The following COL4A1 variants were observed in gnomAD, a reference collection of about 807,000 sequenced individuals.
The protein encoded by COL4A1 is collagen alpha-1(IV) chain.
COL4A1 carries 40 observed loss-of-function variants against 216.6 expected under a neutral mutation model. The observed-to-expected ratio is 0.18, with a 90% CI of 0.14 to 0.24. The LOEUF (loss-of-function observed/expected upper bound fraction) is 0.24. Ranked by LOEUF, COL4A1 falls within the 10% of genes least tolerant of loss-of-function variation. COL4A1 has a pLI of 1.00. For missense variants in COL4A1, 1,628 were observed against 2,196.8 expected (o/e 0.74, Z 5.18); for synonymous variants, 839 against 810.7 (o/e 1.03, Z -0.59).
At position 110,162,245 on chromosome 13, in the gene COL4A1, G is replaced by A. The variant is rs1465815412; in HGVS notation, c.4447C>T (p.His1483Tyr). ...LLYVQGNERA[H>Y]GQDLGTAGSC... is the part of the protein sequence containing the mutation. Reference sequence around the variant, plus strand: ...GGCTTCTTACCCAAGTCCTGGCCATGGGCCCGTTCATTGCCTTGCACGTAG... The same window carrying A: ...GGCTTCTTACCCAAGTCCTGGCCATAGGCCCGTTCATTGCCTTGCACGTAG... Residue 1483 changes from histidine to tyrosine, a missense_variant, in exon 48 of 52, where the codon CAT becomes TAT. His to Tyr is a moderately conservative substitution (Grantham distance 83). Coordinates refer to ENST00000375820, the MANE Select transcript of COL4A1 (RefSeq NM_001845.6). 3 of 1,614,170 alleles carry A rather than the reference G, an allele frequency of 1.9e-6. No homozygotes were observed.
intron 1 of COL4A1, among the ~76,000 whole-genome samples, chr13:110,258,602 T>C (rs2139274189): frequency 1.3e-5 from 2 of 152,278 alleles, no homozygotes; most frequent in South Asian, 4.2e-4. Flanking sequence ...TGTATTTCCA[T>C]CTATTTACAC....
chr13:110,299,941 G>C (rs1019584818), intron 1 of COL4A1, among the ~76,000 whole-genome samples: 24 of 152,108 alleles, frequency 1.6e-4, no homozygotes, highest in Admixed American at 1.4e-3. Context: ...TTCAAAGCTG[G>C]TGCTCTTGGA....
chr13:110,246,257 G>A (rs986499172), intron 1 of COL4A1, among the ~76,000 whole-genome samples: 2 of 151,684 alleles, frequency 1.3e-5, no homozygotes, highest in African/African-American at 4.8e-5. Context: ...TCACTATTCT[G>A]GTCCTTTCTG....
chr13:110,211,726 A>T lies in COL4A1; in HGVS notation c.442-53T>A. 1.9e-6 allele frequency: 3 copies of T among 1,556,936 alleles called. 1 individual carries two copies. The highest frequency in any genetic ancestry group is 2.3e-5 in the South Asian group (2 of 85,940). On this transcript the variant is annotated intron_variant, in intron 7 of 51. Transcript: ENST00000375820. This position sits in a 1 kb window ranked among gnomAD's most constrained non-coding sequence, Gnocchi z 4.3. ...TTGTTTTTCTCAAAATATCATTAGC[A>T]TTAAAATTGTTATCATGTAATATTA...
At chr13:110,234,642 G>A (rs979128362) in intron 2 of COL4A1, among the ~76,000 whole-genome samples, 6 of 152,090 alleles carry the variant, frequency 3.9e-5, no homozygotes, top group Admixed American at 1.3e-4. Flanking sequence ...TGTATATGAC[G>A]CAGCACCCAC....
chr13:110,232,757 C>T (rs1396587675), intron 2 of COL4A1, among the ~76,000 whole-genome samples: 1 of 152,162 alleles, frequency 6.6e-6, no homozygotes, highest in African/African-American at 2.4e-5. Context: ...ATTCGAGATA[C>T]TTCATTTTCT....
chr13:110,199,989 T>G (rs1879100957), intron 20 of COL4A1, among the ~76,000 whole-genome samples: 1 of 151,932 alleles, frequency 6.6e-6, no homozygotes, highest in African/African-American at 2.4e-5. Flanking sequence ...TGGGGTGTCG[T>G]CTGTTCCCAA....
chr13:110,297,598 G>C (rs558669340), intron 1 of COL4A1, among the ~76,000 whole-genome samples: 3 of 152,158 alleles, frequency 2.0e-5, no homozygotes, highest in Non-Finnish European at 4.4e-5. Context: ...TCTGACTCCA[G>C]AGTCTGAAAC....
At chr13:110,173,694 T>C (rs1450637896) in intron 40 of COL4A1, among the ~76,000 whole-genome samples, 1 of 152,152 alleles carries the variant, frequency 6.6e-6, no homozygotes, top group Non-Finnish European at 1.5e-5. Context: ...CCTCAGTATT[T>C]ATGGGATAAT....
intron 1 of COL4A1, among the ~76,000 whole-genome samples, chr13:110,245,435 T>C (rs569984997): frequency 6.6e-6 from 1 of 152,222 alleles, no homozygotes; most frequent in South Asian, 2.1e-4. Context: ...CAGAGTCCAT[T>C]TAGGAAATGT....
rs746350318 is a variant in COL4A1, at chr13:110,211,964, G to A, written c.388-42C>T. 3 of 1,568,790 alleles carry A rather than the reference G, an allele frequency of 1.9e-6. No homozygotes were observed. The East Asian group carries it at 6.7e-5, about 35-fold the overall frequency. ...GCATCATTCATACGCACTGTGTGTG[G>A]CAGACACATCAGCCCTGACATCGCA... On this transcript the variant is annotated intron_variant, in intron 6 of 51. Coordinates refer to ENST00000375820, the MANE Select transcript of COL4A1 (RefSeq NM_001845.6). This position sits in a 1 kb window ranked among gnomAD's most constrained non-coding sequence, Gnocchi z 4.3.
At chr13:110,168,191 T>A (rs755922358) in intron 43 of COL4A1, among the ~76,000 whole-genome samples, 30 of 152,154 alleles carry the variant, frequency 2.0e-4, no homozygotes, top group Non-Finnish European at 3.7e-4. Flanking sequence ...ACTTGTGCAT[T>A]TTTAGTAGAG....
intron 1 of COL4A1, among the ~76,000 whole-genome samples, chr13:110,280,520 A>C (rs946689022): frequency 1.3e-5 from 2 of 152,378 alleles, no homozygotes; most frequent in Non-Finnish European, 2.9e-5. Context: ...CAAAAAATGA[A>C]TTATATAGAA....
chr13:110,192,981 G>A lies in COL4A1; in HGVS notation c.1382-68C>T, dbSNP rs567918858. The A allele has an allele frequency of 2.2e-5, 32 of 1,446,474 alleles. No homozygotes were observed. The South Asian group carries it at 3.5e-4, about 16-fold the overall frequency. The allele number at this position is 1,446,474 out of a possible 1,614,324, so 89.6% of individuals were successfully genotyped here. On this transcript the variant is annotated intron_variant, in intron 22 of 51. Transcript: ENST00000375820. The stretch of plus-strand genomic sequence containing the variant: ...CAGAAGTCTCCGCAGTGCACTGAGA[G>A]AACAGAAAAAGGCAAGGCTGTCACT...
chr13:110,264,372 T>C (rs572426344), intron 1 of COL4A1, among the ~76,000 whole-genome samples: 12 of 152,184 alleles, frequency 7.9e-5, no homozygotes, highest in Non-Finnish European at 1.3e-4. Context: ...GGCTGCAGGT[T>C]CCCTCTTAAA....
Position 110,192,986 on chromosome 13 carries a change from GA to G in COL4A1, c.1382-74del, listed in dbSNP as rs1039139047. The G allele has an allele frequency of 4.6e-5, 64 of 1,388,172 alleles. No individual in the cohort carries two copies. In the African/African-American group the frequency reaches 7.1e-4, roughly 15 times the overall value. 86.0% of individuals were successfully genotyped at this position (1,388,172 alleles called of 1,614,324 possible). On this transcript the variant is annotated intron_variant, in intron 22 of 51. Transcript: ENST00000375820. The stretch of plus-strand genomic sequence containing the variant: ...GTCTCCGCAGTGCACTGAGAGAACA[GA>G]AAAAGGCAAGGCTGTCACTAACATA...
At chr13:110,284,800 C>G (rs1327689328) in intron 1 of COL4A1, among the ~76,000 whole-genome samples, 2 of 152,210 alleles carry the variant, frequency 1.3e-5, no homozygotes, top group Admixed American at 6.5e-5. Flanking sequence ...TCCTGAACAT[C>G]TGAAAAGAAG....
intron 1 of COL4A1, among the ~76,000 whole-genome samples, chr13:110,279,558 GACC>G (rs373045155): frequency 6.6e-6 from 1 of 152,184 alleles, no homozygotes; most frequent in African/African-American, 2.4e-5. Flanking sequence ...GGGGCTGGAG[GACC>G]ACACACACAT....
chr13:110,272,305 A>G (rs1422786140), intron 1 of COL4A1, among the ~76,000 whole-genome samples: 3 of 152,246 alleles, frequency 2.0e-5, no homozygotes, highest in Admixed American at 6.5e-5. Context: ...GTAATTTCAC[A>G]TAGACCGTAG....
Sources: allele counts gnomAD v4.1 joint callset (sites outside exome capture counted in the v4.1 genomes callset), GRCh38; gene constraint gnomAD v4.1.1; non-coding constraint Gnocchi (gnomAD v3.1); transcripts MANE v1.5; gene names NCBI Gene and HGNC (gene_info 2026-07-23, HGNC 2026-07-21).